The following JAZF1 variants were observed in gnomAD, a reference collection of about 807,000 sequenced individuals.
JAZF1 encodes JAZF zinc finger 1.
A neutral mutation model predicts 26.4 loss-of-function variants in JAZF1; 8 were observed. The observed-to-expected ratio is 0.30, with a 90% CI of 0.18 to 0.55. The LOEUF (loss-of-function observed/expected upper bound fraction) is 0.55, where lower values mean the gene tolerates loss of function less well. Ranked by LOEUF, JAZF1 falls within the 20% of genes least tolerant of loss-of-function variation. The pLI is 0.94. For synonymous variants in JAZF1, 126 were observed against 122.3 expected, an observed-to-expected ratio of 1.03 and a Z score of -0.20; for missense variants, 199 against 322.0, an observed-to-expected ratio of 0.62 and a Z score of 2.92.
intron 1 of JAZF1, among the ~76,000 whole-genome samples, chr7:28,077,533 A>C (rs1009693242): frequency 6.6e-6 from 1 of 152,086 alleles, no homozygotes; most frequent in African/African-American, 2.4e-5. Flanking sequence ...CAACAAATAA[A>C]TAAAAGCACT....
At chr7:28,004,864 G>C (rs1315031923) in intron 1 of JAZF1, among the ~76,000 whole-genome samples, 2 of 152,088 alleles carry the variant, frequency 1.3e-5, no homozygotes, top group Non-Finnish European at 2.9e-5. Context: ...TGTTGGCCAG[G>C]CTGGTCTCGA....
chr7:27,841,109 T>C, intron 3 of JAZF1: 2 of 437,712 alleles, frequency 4.6e-6, no homozygotes, highest in Middle Eastern at 6.0e-4. Context: ...CAGCTAGGAG[T>C]TGGCGGAGCA....
chr7:27,840,671 A>G lies in JAZF1; in HGVS notation c.555+27T>C, dbSNP rs1334719376. The stretch of plus-strand genomic sequence containing the variant: ...AAGCTTGCCCTGTTTCCATGTGGTT[A>G]TGCCAAGCATGCAGCACCTCTGTTA... On this transcript the variant is annotated intron_variant, in intron 4 of 4. Transcript: ENST00000283928. The surrounding 1 kb of genome is among the most constrained non-coding windows in gnomAD (Gnocchi z 5.1). 1 of 1,611,332 alleles carries G rather than the reference A, an allele frequency of 6.2e-7. No individual in the cohort carries two copies. The highest frequency in any genetic ancestry group is 8.5e-7 in the Non-Finnish European group (1 of 1,178,308).
chr7:28,177,251 G>A (rs1363199869), intron 1 of JAZF1, among the ~76,000 whole-genome samples: 1 of 152,090 alleles, frequency 6.6e-6, no homozygotes, highest in South Asian at 2.1e-4. Context: ...ACTCTTCCAG[G>A]AGAGAAAAGA....
chr7:28,090,817 GTTTTTTTT>G (rs11367530), intron 1 of JAZF1, among the ~76,000 whole-genome samples: 1 of 101,806 alleles, frequency 9.8e-6, no homozygotes, highest in African/African-American at 3.9e-5. Flanking sequence ...TTTTTTAGTT[GTTTTTTTT>G]TTTTTTTTTT....
intron 1 of JAZF1, among the ~76,000 whole-genome samples, chr7:28,061,115 C>T (rs991320086): frequency 1.3e-5 from 2 of 152,220 alleles, no homozygotes; most frequent in African/African-American, 2.4e-5. Flanking sequence ...AAGAATAGTA[C>T]TTGCCTCATA....
In JAZF1 at chr7:27,989,072, T is replaced by G. The variant is rs534935150; in HGVS notation, c.188+2837A>C. Among the ~76,000 whole-genome samples the G allele has an allele frequency of 3.3e-5, 5 of 152,108 alleles. No individual in the cohort carries two copies. In the East Asian group the frequency reaches 7.7e-4, roughly 23 times the overall value. ...GGCTACAGTAACCAAAACAGCATGG[T>G]ACTGGTACCAAAACAGAGATGTAGA... On this transcript the variant is annotated intron_variant, in intron 2 of 4. Transcript: ENST00000283928.
chr7:28,036,333 T>C (rs1022386756), intron 1 of JAZF1, among the ~76,000 whole-genome samples: 3 of 152,238 alleles, frequency 2.0e-5, no homozygotes, highest in African/African-American at 7.2e-5. Context: ...AACTAAAACC[T>C]ATCTGACTTC....
At chr7:28,058,258 G>A (rs1783745113) in intron 1 of JAZF1, among the ~76,000 whole-genome samples, 1 of 152,160 alleles carries the variant, frequency 6.6e-6, no homozygotes, top group Admixed American at 6.5e-5. Context: ...TACAAAGTGG[G>A]GGATGCACAG....
chr7:28,022,071 T>TA (rs1414060757), intron 1 of JAZF1, among the ~76,000 whole-genome samples: 2 of 152,228 alleles, frequency 1.3e-5, no homozygotes, highest in Non-Finnish European at 2.9e-5. Context: ...CCGCACCTGC[T>TA]AGAGTCCTAG....
At chr7:27,914,774 G>A (rs763956649) in intron 2 of JAZF1, 44 of 470,982 alleles carry the variant, frequency 9.3e-5, no homozygotes, top group African/African-American at 1.6e-4. Context: ...ACAGTAGATC[G>A]GTTCAGCCTT....
intron 2 of JAZF1, among the ~76,000 whole-genome samples, chr7:27,935,776 T>C (rs978783797): frequency 6.6e-6 from 1 of 152,206 alleles, no homozygotes; most frequent in Non-Finnish European, 1.5e-5. Flanking sequence ...ATTGTTTACA[T>C]ACAAAAATAA....
chr7:27,839,784 G>C (rs1459881518), intron 4 of JAZF1, among the ~76,000 whole-genome samples: 3 of 152,154 alleles, frequency 2.0e-5, no homozygotes, highest in Admixed American at 2.0e-4. Flanking sequence ...AGTGTTCAGA[G>C]ACACATATTT....
rs116993838 is a variant in JAZF1 at position 28,090,379 on chromosome 7, C to G, written c.115+90084G>C. Among the ~76,000 whole-genome samples, 40 of 152,272 alleles carry G rather than the reference C, an allele frequency of 2.6e-4. No individual in the cohort carries two copies. The East Asian group carries it at 7.3e-3, about 28-fold the overall frequency. ...ACTGCAATCTTAATACTGGGTTTCCCCAGTTTCTTCAATAACTGCCTAACT... is the reference window on the plus strand; with the variant it reads ...ACTGCAATCTTAATACTGGGTTTCCGCAGTTTCTTCAATAACTGCCTAACT... On this transcript the variant is annotated intron_variant, in intron 1 of 4. Coordinates refer to ENST00000283928, the MANE Select transcript of JAZF1 (RefSeq NM_175061.4).
rs562140188 is a variant in JAZF1 at position 27,852,103 on chromosome 7, C to A, written c.386-11236G>T. Among the ~76,000 whole-genome samples the A allele has an allele frequency of 2.0e-5, 3 of 151,412 alleles. No homozygotes were observed. In the East Asian group the frequency reaches 5.9e-4, roughly 30 times the overall value. On this transcript the variant is annotated intron_variant, in intron 3 of 4. Coordinates refer to ENST00000283928, the MANE Select transcript of JAZF1 (RefSeq NM_175061.4). ...TGCCTAGACTCCTAGGTTTTTTGAC[C>A]AACGTTTGCTTGCTCAATAAACAGG...
intron 2 of JAZF1, among the ~76,000 whole-genome samples, chr7:27,984,114 TG>T (rs1469482115): frequency 6.6e-6 from 1 of 152,184 alleles, no homozygotes; most frequent in Non-Finnish European, 1.5e-5. Flanking sequence ...TAACCTTAAA[TG>T]TAAATGGGCT....
intron 3 of JAZF1, among the ~76,000 whole-genome samples, chr7:27,863,355 C>A (rs968442146): frequency 9.9e-5 from 15 of 152,196 alleles, no homozygotes; most frequent in Admixed American, 8.5e-4. Flanking sequence ...GCCACAGGGC[C>A]TTCTTCCCAT....
At chr7:28,137,104 G>A (rs1782897462) in intron 1 of JAZF1, among the ~76,000 whole-genome samples, 1 of 152,206 alleles carries the variant, frequency 6.6e-6, no homozygotes. Flanking sequence ...TGACTCGTGT[G>A]AAGTTGCTCA....
chr7:28,121,115 C>T (rs1379400545), intron 1 of JAZF1, among the ~76,000 whole-genome samples: 2 of 148,152 alleles, frequency 1.3e-5, no homozygotes, highest in Non-Finnish European at 3.0e-5. Flanking sequence ...CTGAAGAACC[C>T]TTTGAATCTG....
Sources: allele counts gnomAD v4.1 joint callset (sites outside exome capture counted in the v4.1 genomes callset), GRCh38; gene constraint gnomAD v4.1.1; non-coding constraint Gnocchi (gnomAD v3.1); transcripts MANE v1.5; gene names NCBI Gene and HGNC (gene_info 2026-07-23, HGNC 2026-07-21).